ZC3HAV1: variants seen among roughly 807,000 people sequenced by gnomAD.
ZC3HAV1 encodes zinc finger CCCH-type containing, antiviral 1.
ZC3HAV1 carries 41 observed loss-of-function variants against 86.6 expected under a neutral mutation model. The observed-to-expected ratio is 0.47, with a 90% CI of 0.37 to 0.61. The LOEUF (loss-of-function observed/expected upper bound fraction) is 0.61, where lower values mean the gene tolerates loss of function less well. Ranked by LOEUF, ZC3HAV1 falls within the 20% of genes least tolerant of loss-of-function variation. ZC3HAV1 has a pLI of 0.00. For synonymous variants in ZC3HAV1, 421 were observed against 432.1 expected, an observed-to-expected ratio of 0.97 and a Z score of 0.32; for missense variants, 964 against 1,141.1, an observed-to-expected ratio of 0.84 and a Z score of 2.24.
chr7:139,078,517 G>A (rs1327335932), intron 5 of ZC3HAV1, 35 bp downstream of exon 5: 1 of 1,511,032 alleles, frequency 6.6e-7, no homozygotes, highest in Non-Finnish European at 9.0e-7. Flanking sequence ...TGGCCAAAAG[G>A]TGGAAGCTTA....
chr7:139,079,992 C>G lies in ZC3HAV1; in HGVS notation c.949G>C (p.Asp317His). The change falls in exon 4 of 13, where the codon GAT (aspartate) becomes CAT (histidine). Residue 317 changes from aspartate (D) to histidine (H), a missense_variant. Physicochemically the swap from Asp to His is moderately conservative, Grantham distance 81. Coordinates refer to ENST00000242351, the MANE Select transcript of ZC3HAV1 (RefSeq NM_020119.4). Reference sequence around the variant, plus strand: ...CCGGCCTGACTTGTTCCTCCAAGATCAGTAGCCTTGGACGAGCCTGAGGGA... The same window carrying G: ...CCGGCCTGACTTGTTCCTCCAAGATGAGTAGCCTTGGACGAGCCTGAGGGA... ...RPPSGSSKAT[D>H]LGGTSQAGTS... 6.2e-7 allele frequency: 1 copy of G among 1,614,192 alleles called. No individual in the cohort carries two copies. Among genetic ancestry groups the G allele is most frequent in the Non-Finnish European group, 8.5e-7 (1 of 1,180,028 alleles).
chr7:139,087,594 T>C (rs1310848106), intron 2 of ZC3HAV1, among the ~76,000 whole-genome samples: 3 of 152,194 alleles, frequency 2.0e-5, no homozygotes, highest in Non-Finnish European at 4.4e-5. Flanking sequence ...CTTGCATTCA[T>C]ATCTCTCCTG....
At position 139,047,870 on chromosome 7, in the gene ZC3HAV1, A is replaced by G; in HGVS notation, c.2450-17T>C. The stretch of plus-strand genomic sequence containing the variant: ...AGTAAATTCCTAGAAAGAATCAGAA[A>G]GAAAAGTTAAGAAATATTATAAAAG... On this transcript the variant is annotated splice_polypyrimidine_tract_variant and intron_variant, in intron 12 of 12. Coordinates refer to ENST00000242351, the MANE Select transcript of ZC3HAV1 (RefSeq NM_020119.4). 1 of 1,601,238 alleles carries G rather than the reference A, an allele frequency of 6.2e-7. No homozygotes were observed. Among genetic ancestry groups the G allele is most frequent in the South Asian group, 1.1e-5 (1 of 89,716 alleles).
chr7:139,108,589 G>C lies in ZC3HAV1; in HGVS notation c.308+435C>G, dbSNP rs530565730. On this transcript the variant is annotated intron_variant, in intron 1 of 12. Transcript: ENST00000242351. The surrounding 1 kb of genome is among the most constrained non-coding windows in gnomAD (Gnocchi z 4.2). Reference sequence around the variant, plus strand: ...GGGGCCCAGGGCGGCTGGGTTACTGGCTCCGCCACGTCTAGGGAAGGAGGT... The same window carrying C: ...GGGGCCCAGGGCGGCTGGGTTACTGCCTCCGCCACGTCTAGGGAAGGAGGT... Among the ~76,000 whole-genome samples the C allele has an allele frequency of 6.6e-4, 100 of 152,348 alleles. No homozygotes were observed. The highest frequency in any genetic ancestry group is 2.4e-3 in the African/African-American group (98 of 41,588).
At chr7:139,086,021 A>C (rs370309405) in intron 2 of ZC3HAV1, among the ~76,000 whole-genome samples, 1 of 152,012 alleles carries the variant, frequency 6.6e-6, no homozygotes, top group South Asian at 2.1e-4. Flanking sequence ...AAAAAAGAAA[A>C]AAAAAAAAAT....
At chr7:139,056,957 A>G (rs1816302757) in intron 9 of ZC3HAV1, among the ~76,000 whole-genome samples, 1 of 152,238 alleles carries the variant, frequency 6.6e-6, no homozygotes, top group Admixed American at 6.5e-5. Flanking sequence ...ATATTGTATT[A>G]TGTTTTTTAA....
At chr7:139,091,458 A>G (rs1478821916) in intron 1 of ZC3HAV1, among the ~76,000 whole-genome samples, 1 of 151,664 alleles carries the variant, frequency 6.6e-6, no homozygotes, top group Non-Finnish European at 1.5e-5. Context: ...ACAGAGCAAG[A>G]CTCTGTCTCA....
intron 7 of ZC3HAV1, among the ~76,000 whole-genome samples, chr7:139,072,666 T>C (rs1322283122): frequency 6.6e-6 from 1 of 152,178 alleles, no homozygotes; most frequent in African/African-American, 2.4e-5. Flanking sequence ...TCCCTCCCTA[T>C]TACTATGCCC....
At chr7:139,078,148 A>T (rs1024146348) in intron 5 of ZC3HAV1, among the ~76,000 whole-genome samples, 1 of 152,230 alleles carries the variant, frequency 6.6e-6, no homozygotes, top group Non-Finnish European at 1.5e-5. Flanking sequence ...CTGAGGCAGG[A>T]GAATCACTTG....
Position 139,079,651 on chromosome 7 carries a change from A to G in ZC3HAV1, c.1290T>C (p.Asn430=). The G allele has an allele frequency of 6.2e-7, 1 of 1,614,148 alleles. No homozygotes were observed. The highest frequency in any genetic ancestry group is 8.5e-7 in the Non-Finnish European group (1 of 1,180,032). The change falls in exon 4 of 13, where the codon AAT becomes AAC. Residue 430 remains asparagine, a synonymous_variant. Transcript: ENST00000242351. ...QDIQPGPLFN[N]NADGVATDIT... Reference sequence around the variant, plus strand: ...TATCTGTGGCCACTCCATCAGCATTATTATTAAAAAGAGGGCCAGGCTGGA... The same window carrying G: ...TATCTGTGGCCACTCCATCAGCATTGTTATTAAAAAGAGGGCCAGGCTGGA...
chr7:139,107,288 G>A (rs1817964380), intron 1 of ZC3HAV1, among the ~76,000 whole-genome samples: 1 of 152,028 alleles, frequency 6.6e-6, no homozygotes, highest in Admixed American at 6.6e-5. Flanking sequence ...CCTTCAAATT[G>A]TTGCCCCACA....
At chr7:139,087,048 C>T (rs1817290475) in intron 2 of ZC3HAV1, among the ~76,000 whole-genome samples, 2 of 152,162 alleles carry the variant, frequency 1.3e-5, no homozygotes, top group Non-Finnish European at 2.9e-5. Flanking sequence ...GTTAAAAGTA[C>T]CTGTTACTTT....
rs138161169 is a variant in ZC3HAV1, at chr7:139,078,316, G to A, written c.1573+236C>T. Among the ~76,000 whole-genome samples, 169 of 152,196 alleles carry A rather than the reference G, an allele frequency of 1.1e-3. 1 individual carries two copies. Among genetic ancestry groups the A allele is most frequent in the Admixed American group, 2.6e-3 (39 of 15,286 alleles). The stretch of plus-strand genomic sequence containing the variant: ...GGTGAGGATGTGGAGAAATTTGAAC[G>A]CTTGTGCATTGCTGGTGGGAAAGAA... On this transcript the variant is annotated intron_variant, in intron 5 of 12. Transcript: ENST00000242351.
chr7:139,082,842 A>G, intron 3 of ZC3HAV1, among the ~76,000 whole-genome samples: 1 of 151,822 alleles, frequency 6.6e-6, no homozygotes, highest in South Asian at 2.1e-4. Flanking sequence ...AATGGGAGTT[A>G]TTGTGGCTTT....
intron 1 of ZC3HAV1, among the ~76,000 whole-genome samples, chr7:139,098,930 CA>C (rs370970045): frequency 1.1e-3 from 174 of 152,228 alleles, no homozygotes; most frequent in African/African-American, 4.1e-3. Flanking sequence ...GAAGTAAATA[CA>C]GGCAGAAGCA....
chr7:139,087,479 G>A (rs1303544550), intron 2 of ZC3HAV1, among the ~76,000 whole-genome samples: 2 of 152,070 alleles, frequency 1.3e-5, no homozygotes, highest in South Asian at 4.1e-4. Flanking sequence ...GACAGAGAGA[G>A]AGAGAGAAAC....
rs370691595 is a variant in ZC3HAV1, at chr7:139,060,200, T to C, written c.2096+836A>G. 2.5e-4 allele frequency: 247 copies of C among 977,086 alleles called. 2 individuals carry two copies. The South Asian group carries it at 0.01, about 41-fold the overall frequency. The allele number at this position is 977,086 out of a possible 1,614,324, so 60.5% of individuals were successfully genotyped here. On this transcript the variant is annotated intron_variant, in intron 9 of 12. Coordinates refer to ENST00000242351, the MANE Select transcript of ZC3HAV1 (RefSeq NM_020119.4). ...ACTTCATAGTTATTTATCTTTTTAG[T>C]AACTTCCTTTTTCATCAAATAGCTT...
intron 5 of ZC3HAV1, among the ~76,000 whole-genome samples, chr7:139,078,005 G>A (rs769516535): frequency 6.6e-6 from 1 of 152,138 alleles, no homozygotes; most frequent in African/African-American, 2.4e-5. Context: ...TTGGAAGGCC[G>A]AGGCGGGTGG....
At position 139,073,988 on chromosome 7, in the gene ZC3HAV1, A is replaced by G; in HGVS notation, c.1740T>C (p.Ser580=). ...GSYTINFRVM[S]CDSFPIRRLS... is the part of the protein sequence containing the mutation. ...GGCGTCGGATGGGAAAGGAATCACA[A>G]CTCATTACCCGAAAATTGATTGTAT... The change falls in exon 7 of 13, where the codon AGT becomes AGC. Residue 580 remains serine, a synonymous_variant. Transcript: ENST00000242351. 1 of 1,613,658 alleles carries G rather than the reference A, an allele frequency of 6.2e-7. No homozygotes were observed. Among genetic ancestry groups the G allele is most frequent in the East Asian group, 2.2e-5 (1 of 44,866 alleles).
Sources: allele counts gnomAD v4.1 joint callset (sites outside exome capture counted in the v4.1 genomes callset), GRCh38; gene constraint gnomAD v4.1.1; non-coding constraint Gnocchi (gnomAD v3.1); transcripts MANE v1.5; gene names NCBI Gene and HGNC (gene_info 2026-07-23, HGNC 2026-07-21).